MYZAP: variants seen among roughly 807,000 people sequenced by gnomAD.
MYZAP encodes myocardial zonula adherens protein.
In MYZAP, 66 loss-of-function variants were observed where a neutral mutation model predicts 69.4. The ratio of observed to expected loss-of-function variants is 0.95; its 90% CI spans 0.78 to 1.17. The LOEUF is 1.17. MYZAP is among the 50% of genes most tolerant of loss of function. The pLI is 0.00. For synonymous variants in MYZAP, 256 were observed against 205.9 expected, an observed-to-expected ratio of 1.24 and a Z score of -2.09; for missense variants, 611 against 556.2, an observed-to-expected ratio of 1.10 and a Z score of -0.99.
At chr15:57,611,470 G>T (rs2140357971) in intron 2 of MYZAP, among the ~76,000 whole-genome samples, 1 of 152,234 alleles carries the variant, frequency 6.6e-6, no homozygotes, top group South Asian at 2.1e-4. Context: ...TTCCGCGGGG[G>T]TTATTAGGCC....
rs551739000 is a variant in MYZAP, at chr15:57,630,054, C to T, written c.678+200C>T. Among the ~76,000 whole-genome samples the T allele has an allele frequency of 3.4e-5, 5 of 149,132 alleles. 1 individual carries two copies. In the South Asian group the frequency reaches 6.5e-4, roughly 19 times the overall value. Reference sequence around the variant, plus strand: ...TACAATCATGGCTCACTGCAACCTCCGCCTCCTGGGTTCAAGCAATTCTCG... The same window carrying T: ...TACAATCATGGCTCACTGCAACCTCTGCCTCCTGGGTTCAAGCAATTCTCG... On this transcript the variant is annotated intron_variant, in intron 6 of 12. Coordinates refer to ENST00000267853, the MANE Select transcript of MYZAP (RefSeq NM_001018100.5).
intron 11 of MYZAP, among the ~76,000 whole-genome samples, chr15:57,666,421 T>C (rs1834347022): frequency 6.6e-6 from 1 of 152,120 alleles, no homozygotes; most frequent in South Asian, 2.1e-4. Context: ...AGAATATGGA[T>C]TATTTTAGTC....
chr15:57,606,139 A>G (rs2034732744), intron 2 of MYZAP, among the ~76,000 whole-genome samples: 1 of 152,214 alleles, frequency 6.6e-6, no homozygotes, highest in Non-Finnish European at 1.5e-5. Context: ...TTCTCAAAGT[A>G]TCACCCCAGC....
chr15:57,616,264 C>T (rs1169704464), intron 2 of MYZAP, among the ~76,000 whole-genome samples: 2 of 152,210 alleles, frequency 1.3e-5, no homozygotes, highest in African/African-American at 2.4e-5. Context: ...CTTGTAATCC[C>T]AGCACTTTGG....
chr15:57,620,752 G>A (rs2035754831), intron 3 of MYZAP, among the ~76,000 whole-genome samples: 2 of 152,278 alleles, frequency 1.3e-5, no homozygotes, highest in South Asian at 4.1e-4. Flanking sequence ...TTGGCAGTCA[G>A]GGCCGATAGA....
chr15:57,613,491 C>G (rs2140364573), intron 2 of MYZAP, among the ~76,000 whole-genome samples: 1 of 152,160 alleles, frequency 6.6e-6, no homozygotes, highest in Non-Finnish European at 1.5e-5. Flanking sequence ...CCACCTTAGC[C>G]TCCCAAGAAG....
intron 6 of MYZAP, 108 bp from the exon 7 acceptor site, chr15:57,632,326 T>C: frequency 6.5e-7 from 1 of 1,544,084 alleles, no homozygotes; most frequent in East Asian, 2.3e-5. Flanking sequence ...CAGAACCCAG[T>C]GGATGGGCTC....
At chr15:57,643,368 T>G (rs1567224373) in intron 10 of MYZAP, among the ~76,000 whole-genome samples, 1 of 152,320 alleles carries the variant, frequency 6.6e-6, no homozygotes, top group African/African-American at 2.4e-5. Flanking sequence ...TTTATTATCC[T>G]GTTGAAAAGC....
At chr15:57,619,717 A>G (rs147407794) in intron 3 of MYZAP, among the ~76,000 whole-genome samples, 1 of 152,188 alleles carries the variant, frequency 6.6e-6, no homozygotes, top group Non-Finnish European at 1.5e-5. Context: ...AATAGCTCAG[A>G]CATTTTAATT....
intron 5 of MYZAP, among the ~76,000 whole-genome samples, chr15:57,629,233 C>T (rs2036350109): frequency 1.3e-5 from 2 of 152,154 alleles, no homozygotes; most frequent in South Asian, 2.1e-4. Context: ...AGCCCTATCA[C>T]ATAGTGAAAA....
rs1471870935 is a variant in MYZAP, at chr15:57,591,956, C to T, written c.-79C>T. On this transcript the variant is annotated 5_prime_UTR_variant, in exon 1 of 13. Coordinates refer to ENST00000267853, the MANE Select transcript of MYZAP (RefSeq NM_001018100.5). ...AGCCGGCGCCGTCCCGCGTCGCCCCCGCGCAGGGCGGGCCCCGCACGCTTA... is the reference window on the plus strand; with the variant it reads ...AGCCGGCGCCGTCCCGCGTCGCCCCTGCGCAGGGCGGGCCCCGCACGCTTA... 8.1e-6 allele frequency: 10 copies of T among 1,234,974 alleles called. No homozygotes were observed. Among genetic ancestry groups the T allele is most frequent in the Non-Finnish European group, 9.2e-6 (9 of 983,582 alleles). 76.5% of individuals were successfully genotyped at this position (1,234,974 alleles called of 1,614,324 possible).
At chr15:57,660,768 A>C (rs2038251343) in intron 10 of MYZAP, among the ~76,000 whole-genome samples, 1 of 152,192 alleles carries the variant, frequency 6.6e-6, no homozygotes, top group African/African-American at 2.4e-5. Flanking sequence ...GCCTTCAGGG[A>C]AGCTATGGTT....
At chr15:57,593,214 A>ACACACACACACACACACACACACACACAC (rs1172761785) in intron 1 of MYZAP, among the ~76,000 whole-genome samples, 1 of 141,346 alleles carries the variant, frequency 7.1e-6, no homozygotes, top group Admixed American at 6.9e-5. Flanking sequence ...ACACACACAC[A>ACACACACACACACACACACACACACACAC]CCCCAGAATC....
At chr15:57,610,200 G>A (rs2035015576) in intron 2 of MYZAP, among the ~76,000 whole-genome samples, 1 of 152,192 alleles carries the variant, frequency 6.6e-6, no homozygotes, top group Non-Finnish European at 1.5e-5. Flanking sequence ...CTAGATCTTT[G>A]AGAATGCTGA....
At chr15:57,605,977 G>A (rs999125444) in intron 2 of MYZAP, among the ~76,000 whole-genome samples, 3 of 152,108 alleles carry the variant, frequency 2.0e-5, no homozygotes, top group Non-Finnish European at 4.4e-5. Context: ...GAGAAGGGGA[G>A]TAGAGGCACG....
At chr15:57,629,535 A>G (rs900362577) in intron 5 of MYZAP, among the ~76,000 whole-genome samples, 167 bp from the exon 6 acceptor site, 4 of 152,196 alleles carry the variant, frequency 2.6e-5, no homozygotes, top group African/African-American at 7.2e-5. Context: ...CTTGGCCACC[A>G]TGGGAGACCC....
At chr15:57,604,467 TGAG>T in intron 2 of MYZAP, 112 bp downstream of exon 2, 1 of 1,133,456 alleles carries the variant, frequency 8.8e-7, no homozygotes, top group Non-Finnish European at 1.3e-6. Context: ...GCACCTCTGT[TGAG>T]GAGAAGGCCC....
chr15:57,655,598 G>GA (rs143304027), intron 10 of MYZAP, among the ~76,000 whole-genome samples: 11,594 of 146,228 alleles, frequency 0.079, 561 homozygotes, highest in Middle Eastern at 0.16. Flanking sequence ...TAGCTAATGT[G>GA]AAAAAAAAAA....
chr15:57,609,100 G>A (rs895274473), intron 2 of MYZAP, among the ~76,000 whole-genome samples: 2 of 152,162 alleles, frequency 1.3e-5, no homozygotes, highest in Non-Finnish European at 2.9e-5. Flanking sequence ...TGCAAAATTT[G>A]TATATAACAT....
Sources: gnomAD v4.1 joint callset for allele counts (sites outside exome capture counted in the v4.1 genomes callset) on GRCh38, gnomAD v4.1.1 for gene constraint, MANE v1.5 for transcripts, NCBI Gene and HGNC (gene_info 2026-07-23, HGNC 2026-07-21) for gene names.